TOM1L2: variants seen among roughly 807,000 people sequenced by gnomAD.
TOM1L2 encodes the protein TOM1-like protein 2.
TOM1L2 carries 31 observed loss-of-function variants against 67.9 expected under a neutral mutation model. The ratio of observed to expected loss-of-function variants is 0.46; its 90% CI spans 0.34 to 0.62. The LOEUF (loss-of-function observed/expected upper bound fraction) is 0.62. Ranked by LOEUF, TOM1L2 falls within the 20% of genes least tolerant of loss-of-function variation. The pLI is 0.01. For missense variants in TOM1L2, 606 were observed against 663.5 expected (o/e 0.91, Z 0.95); for synonymous variants, 256 against 254.0 (o/e 1.01, Z -0.07).
intron 3 of TOM1L2, 35 bp from the exon 4 acceptor site, chr17:17,893,845 G>A (rs1351458950): frequency 6.2e-7 from 1 of 1,603,082 alleles, no homozygotes; most frequent in Non-Finnish European, 8.5e-7. Flanking sequence ...GGTCACCCCA[G>A]TGGGAGCTGG....
intron 1 of TOM1L2, among the ~76,000 whole-genome samples, chr17:17,964,885 A>G (rs1156812112): frequency 6.6e-6 from 1 of 152,262 alleles, no homozygotes; most frequent in Non-Finnish European, 1.5e-5. Flanking sequence ...TATGATAAAC[A>G]GAGCAGGAGG....
chr17:17,870,459 C>G (rs181040846), intron 7 of TOM1L2, among the ~76,000 whole-genome samples: 223 of 152,290 alleles, frequency 1.5e-3, no homozygotes, highest in Admixed American at 4.9e-3. Context: ...GGCTGGCCCC[C>G]AAGCATGTGA....
intron 7 of TOM1L2, 84 bp downstream of exon 7, chr17:17,879,543 G>A (rs932638253): frequency 2.0e-5 from 22 of 1,097,564 alleles, no homozygotes; most frequent in African/African-American, 9.2e-5. Flanking sequence ...CCGCCTTGCC[G>A]CTGTGTCCCC....
intron 1 of TOM1L2, 54 bp downstream of exon 1, chr17:17,972,208 C>T (rs1157416643): frequency 1.3e-6 from 2 of 1,546,914 alleles, no homozygotes; most frequent in Non-Finnish European, 1.7e-6. Context: ...CGGTCCTCAC[C>T]AGCCGGATCA....
At chr17:17,950,806 G>A (rs1235717039) in intron 1 of TOM1L2, among the ~76,000 whole-genome samples, 1 of 152,172 alleles carries the variant, frequency 6.6e-6, no homozygotes, top group East Asian at 1.9e-4. Context: ...GACAGCATAG[G>A]TGGCTCATAG....
chr17:17,850,810 G>C (rs1352934902), intron 13 of TOM1L2, 83 bp downstream of exon 13: 3 of 1,483,816 alleles, frequency 2.0e-6, no homozygotes, highest in Non-Finnish European at 2.8e-6. Flanking sequence ...TGGAGCCCCT[G>C]CTGATGCTCC....
chr17:17,968,421 C>A (rs1442928449), intron 1 of TOM1L2, among the ~76,000 whole-genome samples: 2 of 152,234 alleles, frequency 1.3e-5, no homozygotes, highest in Non-Finnish European at 2.9e-5. Flanking sequence ...AATCCTAGCA[C>A]TTTGGGAGGC....
chr17:17,894,438 G>C (rs961581379), intron 3 of TOM1L2, among the ~76,000 whole-genome samples: 4 of 152,194 alleles, frequency 2.6e-5, no homozygotes, highest in Non-Finnish European at 5.9e-5. Context: ...GGGAAAACAA[G>C]TGACACAGGC....
intron 1 of TOM1L2, 82 bp downstream of exon 1, chr17:17,972,180 G>A: frequency 6.6e-7 from 1 of 1,516,120 alleles, no homozygotes; most frequent in East Asian, 2.5e-5. Context: ...AGTGGCACCG[G>A]CGCCCGGCGG....
chr17:17,914,289 C>T (rs2039533654), intron 1 of TOM1L2, among the ~76,000 whole-genome samples: 1 of 152,222 alleles, frequency 6.6e-6, no homozygotes, highest in Non-Finnish European at 1.5e-5. Context: ...GGGCACACTG[C>T]TGTCTCAGTG....
chr17:17,928,323 AG>A (rs1415458921), intron 1 of TOM1L2, among the ~76,000 whole-genome samples: 15 of 152,250 alleles, frequency 9.9e-5, no homozygotes, highest in Admixed American at 2.0e-4. Context: ...CTAAGCAACG[AG>A]GGTACATCAA....
At chr17:17,961,378 G>A (rs531296848) in intron 1 of TOM1L2, among the ~76,000 whole-genome samples, 1 of 151,996 alleles carries the variant, frequency 6.6e-6, no homozygotes, top group Non-Finnish European at 1.5e-5. Flanking sequence ...ACTAGTCTGG[G>A]ATACATGGGG....
chr17:17,872,054 G>C lies in TOM1L2; in HGVS notation c.778-2581C>G, dbSNP rs2037182884. 3.0e-6 allele frequency: 3 copies of C among 985,288 alleles called. No homozygotes were observed. The South Asian group carries it at 1.4e-4, about 46-fold the overall frequency. 61.0% of individuals were successfully genotyped at this position (985,288 alleles called of 1,614,324 possible). A position where few individuals can be genotyped will look rare whatever the true frequency, so the allele number is the denominator to read the frequency against. On this transcript the variant is annotated intron_variant, in intron 7 of 14. Transcript: ENST00000379504. ...CTGGGCCTTGGGGCCTGCCAGACGT[G>C]GTCTGGATTGCCAGGCAATAATGGC...
intron 1 of TOM1L2, among the ~76,000 whole-genome samples, chr17:17,942,575 T>G (rs947325581): frequency 1.3e-5 from 2 of 152,210 alleles, no homozygotes; most frequent in African/African-American, 4.8e-5. Flanking sequence ...ACCTTCCCTT[T>G]TAAATCTCAA....
In TOM1L2 at chr17:17,852,074, G is replaced by A. The variant is rs186508426; in HGVS notation, c.1279-1122C>T. Reference sequence around the variant, plus strand: ...CCCTGGCTCTGGGAGGTACCCTTCCGGGGCTCACTTGCAAGACCCCTATTT... The same window carrying A: ...CCCTGGCTCTGGGAGGTACCCTTCCAGGGCTCACTTGCAAGACCCCTATTT... On this transcript the variant is annotated intron_variant, in intron 12 of 14. Transcript: ENST00000379504. Among the ~76,000 whole-genome samples, 158 of 151,862 alleles carry A rather than the reference G, an allele frequency of 1.0e-3. 1 individual carries two copies. Among genetic ancestry groups the A allele is most frequent in the African/African-American group, 3.5e-3 (145 of 41,458 alleles).
intron 3 of TOM1L2, among the ~76,000 whole-genome samples, chr17:17,898,266 G>A (rs2038676871): frequency 6.6e-6 from 1 of 152,226 alleles, no homozygotes; most frequent in Non-Finnish European, 1.5e-5. Context: ...AGAAGGAGTT[G>A]GTCTCAGTCT....
At chr17:17,913,233 G>A (rs1410920076) in intron 1 of TOM1L2, among the ~76,000 whole-genome samples, 1 of 148,836 alleles carries the variant, frequency 6.7e-6, no homozygotes, top group African/African-American at 2.5e-5. Flanking sequence ...GAGACCGTGG[G>A]GAGACGGGGG....
chr17:17,956,404 T>C (rs958593577), intron 1 of TOM1L2, among the ~76,000 whole-genome samples: 1 of 152,348 alleles, frequency 6.6e-6, no homozygotes, highest in Non-Finnish European at 1.5e-5. Flanking sequence ...CTCTAAGTCC[T>C]CACTAGACTC....
chr17:17,845,107 C>A lies in TOM1L2; in HGVS notation c.*2528G>T, dbSNP rs1290752484. ...GGGCTAAGTGGAACCCACTCTGGGG[C>A]ACCGGGGCTATACTTGCTTCCTGTG... On this transcript the variant is annotated 3_prime_UTR_variant, in exon 15 of 15. Transcript: ENST00000379504. The A allele has an allele frequency of 6.6e-6, 1 of 152,318 alleles. No homozygotes were observed. Among genetic ancestry groups the A allele is most frequent in the Non-Finnish European group, 1.5e-5 (1 of 68,086 alleles). The allele number at this position is 152,318 out of a possible 1,614,324, so 9.4% of individuals were successfully genotyped here. A position where few individuals can be genotyped will look rare whatever the true frequency, so the allele number is the denominator to read the frequency against.
Sources: gnomAD v4.1 joint callset for allele counts (sites outside exome capture counted in the v4.1 genomes callset) on GRCh38, gnomAD v4.1.1 for gene constraint, MANE v1.5 for transcripts, NCBI Gene and HGNC (gene_info 2026-07-23, HGNC 2026-07-21) for gene names.